The following ZMAT4 variants were observed in gnomAD, a reference collection of about 807,000 sequenced individuals.
ZMAT4 encodes zinc finger matrin-type 4.
In ZMAT4, 17 loss-of-function variants were observed where a neutral mutation model predicts 28.7. The observed-to-expected ratio is 0.59, with a 90% CI of 0.41 to 0.89. ZMAT4 has a LOEUF of 0.89. Among genes scored for constraint, ZMAT4 ranks in the 40% least tolerant of loss-of-function variants. The pLI, the probability that ZMAT4 is intolerant of heterozygous loss-of-function variation, is 0.00. For missense variants in ZMAT4, 240 were observed against 283.8 expected (o/e 0.85, Z 1.11); for synonymous variants, 117 against 109.2 (o/e 1.07, Z -0.44).
chr8:40,558,062 G>A (rs982833105), intron 6 of ZMAT4, among the ~76,000 whole-genome samples: 3 of 152,144 alleles, frequency 2.0e-5, no homozygotes, highest in African/African-American at 7.2e-5. Context: ...TCCACCTAGA[G>A]CAGGAAACGC....
At chr8:40,624,202 C>A (rs961748691) in intron 5 of ZMAT4, among the ~76,000 whole-genome samples, 1 of 152,150 alleles carries the variant, frequency 6.6e-6, no homozygotes, top group Non-Finnish European at 1.5e-5. Context: ...CAAGTGAGAT[C>A]GCAAGGGTAG....
chr8:40,574,060 T>C (rs932576389), intron 6 of ZMAT4, among the ~76,000 whole-genome samples: 1 of 152,196 alleles, frequency 6.6e-6, no homozygotes, highest in African/African-American at 2.4e-5. Flanking sequence ...CAGATTGCAA[T>C]AGTTAAGTAC....
chr8:40,649,530 A>T (rs1034274750), intron 5 of ZMAT4, among the ~76,000 whole-genome samples: 3 of 152,192 alleles, frequency 2.0e-5, no homozygotes, highest in African/African-American at 7.2e-5. Flanking sequence ...ACAGAAAGTC[A>T]ACAAGGATAC....
At chr8:40,716,280 G>A (rs1233739367) in intron 3 of ZMAT4, among the ~76,000 whole-genome samples, 1 of 152,160 alleles carries the variant, frequency 6.6e-6, no homozygotes, top group African/African-American at 2.4e-5. Flanking sequence ...CAGACCTGCT[G>A]CATCAGAAAT....
chr8:40,723,565 A>AAAAAAAAAAAAT, intron 3 of ZMAT4, among the ~76,000 whole-genome samples: 1 of 149,214 alleles, frequency 6.7e-6, no homozygotes, highest in Non-Finnish European at 1.5e-5. Flanking sequence ...AAAAAAAAAA[A>AAAAAAAAAAAAT]GATTGGGTAT....
chr8:40,635,673 G>A (rs1379333577), intron 5 of ZMAT4, among the ~76,000 whole-genome samples: 2 of 152,164 alleles, frequency 1.3e-5, no homozygotes, highest in Non-Finnish European at 2.9e-5. Flanking sequence ...AGAAGTCCGA[G>A]GTTTGAATTG....
intron 5 of ZMAT4, among the ~76,000 whole-genome samples, chr8:40,643,210 C>A (rs916491724): frequency 6.6e-6 from 1 of 152,122 alleles, no homozygotes; most frequent in Non-Finnish European, 1.5e-5. Flanking sequence ...GAGAAGCTTT[C>A]ATCTGCCTTT....
At chr8:40,869,037 C>T (rs1817766110) in intron 1 of ZMAT4, among the ~76,000 whole-genome samples, 1 of 152,232 alleles carries the variant, frequency 6.6e-6, no homozygotes, top group South Asian at 2.1e-4. Context: ...CTATGAATCC[C>T]CCAACCTGAG....
chr8:40,661,163 C>A (rs967459083), intron 5 of ZMAT4, among the ~76,000 whole-genome samples: 3 of 152,134 alleles, frequency 2.0e-5, no homozygotes, highest in Non-Finnish European at 4.4e-5. Context: ...TGCAGTGGCA[C>A]AATCATGGCT....
chr8:40,693,921 G>A (rs1809763323), intron 4 of ZMAT4, among the ~76,000 whole-genome samples: 2 of 152,196 alleles, frequency 1.3e-5, no homozygotes, highest in African/African-American at 4.8e-5. Context: ...GTAGCTGGCA[G>A]AAGCAATGAG....
chr8:40,692,393 T>A (rs976191248), intron 4 of ZMAT4, among the ~76,000 whole-genome samples: 1 of 152,246 alleles, frequency 6.6e-6, no homozygotes, highest in Non-Finnish European at 1.5e-5. Context: ...ATGATAGATG[T>A]GTTCATAAAA....
At chr8:40,885,479 A>G (rs1431521540) in intron 1 of ZMAT4, among the ~76,000 whole-genome samples, 1 of 152,172 alleles carries the variant, frequency 6.6e-6, no homozygotes, top group Non-Finnish European at 1.5e-5. Flanking sequence ...TGTACTGTCA[A>G]CATAGCAACC....
chr8:40,858,697 C>T (rs536799740), intron 1 of ZMAT4, among the ~76,000 whole-genome samples: 2 of 152,132 alleles, frequency 1.3e-5, no homozygotes, highest in African/African-American at 2.4e-5. Flanking sequence ...GGGCTCATTC[C>T]GCCAATGAAG....
At chr8:40,650,789 T>C (rs1232138759) in intron 5 of ZMAT4, among the ~76,000 whole-genome samples, 2 of 149,442 alleles carry the variant, frequency 1.3e-5, no homozygotes, top group Non-Finnish European at 1.5e-5. Context: ...AATCAATAAA[T>C]GTAATCCAGC....
chr8:40,558,751 G>A (rs1803629714), intron 6 of ZMAT4, among the ~76,000 whole-genome samples: 1 of 152,088 alleles, frequency 6.6e-6, no homozygotes, highest in African/African-American at 2.4e-5. Context: ...GCCCCCAACT[G>A]ACTGAACGGG....
chr8:40,656,461 GATAGC>G (rs1807926575), intron 5 of ZMAT4, among the ~76,000 whole-genome samples: 1 of 152,066 alleles, frequency 6.6e-6, no homozygotes, highest in African/African-American at 2.4e-5. Context: ...CAAGAGAACT[GATAGC>G]ATATATCCAC....
chr8:40,699,552 C>T (rs997649276), intron 3 of ZMAT4, among the ~76,000 whole-genome samples: 8 of 150,630 alleles, frequency 5.3e-5, no homozygotes, highest in Non-Finnish European at 1.2e-4. Flanking sequence ...ATTGAATCAA[C>T]ATAAGTGTCC....
chr8:40,681,474 T>C (rs967867733), intron 4 of ZMAT4, among the ~76,000 whole-genome samples: 6 of 152,224 alleles, frequency 3.9e-5, no homozygotes, highest in African/African-American at 1.4e-4. Context: ...TAAAGTTAGA[T>C]TAGATCATTC....
chr8:40,865,440 A>G (rs1586189239), intron 1 of ZMAT4, among the ~76,000 whole-genome samples: 1 of 152,212 alleles, frequency 6.6e-6, no homozygotes, highest in African/African-American at 2.4e-5. Context: ...GAAATGACCA[A>G]TGGCAGAGGG....
Sources: gnomAD v4.1 joint callset for allele counts (sites outside exome capture counted in the v4.1 genomes callset) on GRCh38, gnomAD v4.1.1 for gene constraint, MANE v1.5 for transcripts, NCBI Gene and HGNC (gene_info 2026-07-23, HGNC 2026-07-21) for gene names.